Variants in NBAS observed in about 807,000 individuals in gnomAD.
NBAS encodes the protein NAG/BC035112 fusion.
In NBAS, 219 loss-of-function variants were observed where a neutral mutation model predicts 302.5. The ratio of observed to expected loss-of-function variants is 0.72; its 90% CI spans 0.65 to 0.81. NBAS has a LOEUF of 0.81. NBAS is among the 30% of genes least tolerant of loss of function. The pLI, the probability that NBAS is intolerant of heterozygous loss-of-function variation, is 0.00. For missense variants in NBAS, 2,932 were observed against 2,841.6 expected (o/e 1.03, Z -0.72); for synonymous variants, 1,118 against 1,021.6 (o/e 1.09, Z -1.80).
the NBAS span, among the ~76,000 whole-genome samples, chr2:15,011,739 C>A: frequency 6.6e-6 from 1 of 152,168 alleles, no homozygotes; most frequent in Non-Finnish European, 1.5e-5. Flanking sequence ...CCAACCCCAG[C>A]AAATTCATGC....
chr2:14,791,149 C>T, the NBAS span, among the ~76,000 whole-genome samples: 21 of 152,136 alleles, frequency 1.4e-4, 1 homozygote, highest in Admixed American at 1.1e-3. Flanking sequence ...GCCACCACGC[C>T]GGGCCCTAAT....
At chr2:15,384,921 A>G (rs1675214230) in intron 28 of NBAS, among the ~76,000 whole-genome samples, 2 of 152,244 alleles carry the variant, frequency 1.3e-5, no homozygotes, top group African/African-American at 4.8e-5. Context: ...AAAACAGGGC[A>G]GATAGATTGT....
At chr2:15,125,487 TC>T in the NBAS span, among the ~76,000 whole-genome samples, 2 of 148,478 alleles carry the variant, frequency 1.3e-5, no homozygotes, top group Non-Finnish European at 3.0e-5. Flanking sequence ...AGGGATCCAC[TC>T]CCATGATCTA....
chr2:15,252,531 T>TA (rs201236864), intron 44 of NBAS, among the ~76,000 whole-genome samples: 250 of 146,410 alleles, frequency 1.7e-3, no homozygotes, highest in East Asian at 0.011. Context: ...AAATAAAAAT[T>TA]AAAAAAAAAA....
intron 48 of NBAS, among the ~76,000 whole-genome samples, chr2:15,208,534 G>A (rs1020990582): frequency 3.5e-4 from 54 of 152,198 alleles, no homozygotes; most frequent in African/African-American, 8.7e-4. Context: ...GGATTTAATC[G>A]GTACTATGGA....
the NBAS span, among the ~76,000 whole-genome samples, chr2:15,131,168 C>T: frequency 2.0e-5 from 3 of 152,116 alleles, no homozygotes; most frequent in African/African-American, 7.2e-5. Flanking sequence ...ACATAATCTC[C>T]GAGCAGATGT....
the NBAS span, among the ~76,000 whole-genome samples, chr2:14,935,365 C>G: frequency 6.6e-6 from 1 of 152,114 alleles, no homozygotes. Context: ...GCCATCTGCT[C>G]ATTTTTATAT....
chr2:15,219,916 C>T (rs1267649874), intron 47 of NBAS, among the ~76,000 whole-genome samples: 8 of 147,884 alleles, frequency 5.4e-5, no homozygotes, highest in African/African-American at 2.0e-4. Context: ...CAGAAGCGCC[C>T]CTCACCTCCC....
At chr2:15,458,802 CAGTGTG>C (rs2148555057) in intron 21 of NBAS, among the ~76,000 whole-genome samples, 3 of 152,114 alleles carry the variant, frequency 2.0e-5, no homozygotes, top group Admixed American at 2.0e-4. Context: ...TACAAAAAAA[CAGTGTG>C]AAAGACTTTC....
At chr2:15,453,257 G>C (rs1276206676) in intron 21 of NBAS, among the ~76,000 whole-genome samples, 1 of 152,172 alleles carries the variant, frequency 6.6e-6, no homozygotes, top group African/African-American at 2.4e-5. Flanking sequence ...AGAGAATAAA[G>C]TACCAAAGCC....
intron 9 of NBAS, among the ~76,000 whole-genome samples, chr2:15,531,632 C>T (rs752862884): frequency 5.3e-5 from 8 of 152,208 alleles, no homozygotes; most frequent in Admixed American, 1.3e-4. Context: ...GCACTCACCA[C>T]GCTCTCTTTG....
chr2:15,485,493 G>C (rs1680585802), intron 12 of NBAS, among the ~76,000 whole-genome samples: 1 of 152,168 alleles, frequency 6.6e-6, no homozygotes, highest in Admixed American at 6.5e-5. Context: ...TTCCCACACA[G>C]TCATGGAAAG....
chr2:14,873,007 C>T, the NBAS span, among the ~76,000 whole-genome samples: 1 of 152,012 alleles, frequency 6.6e-6, no homozygotes, highest in Non-Finnish European at 1.5e-5. Context: ...TTGCTAAGAG[C>T]GAAAGAAAAA....
At chr2:15,096,605 A>T in the NBAS span, among the ~76,000 whole-genome samples, 1 of 152,210 alleles carries the variant, frequency 6.6e-6, no homozygotes, top group Non-Finnish European at 1.5e-5. Context: ...AGTCTCGGAC[A>T]AATGGGTTCA....
At chr2:15,481,660 T>C (rs1224034680) in intron 12 of NBAS, among the ~76,000 whole-genome samples, 3 of 152,176 alleles carry the variant, frequency 2.0e-5, no homozygotes, top group Admixed American at 6.5e-5. Context: ...GCCACTTCTC[T>C]GTATTTGCTG....
chr2:15,220,111 CGGCTGGCCGGGCGGGGGGCTG>C (rs1666876894), intron 47 of NBAS, among the ~76,000 whole-genome samples: 1 of 145,230 alleles, frequency 6.9e-6, no homozygotes, highest in African/African-American at 2.6e-5. Flanking sequence ...CTGGACGGGG[CGGCTGGCCGGGCGGGGGGCTG>C]ACCCCCCCAC....
At chr2:15,105,655 T>C in the NBAS span, among the ~76,000 whole-genome samples, 2 of 151,978 alleles carry the variant, frequency 1.3e-5, no homozygotes, top group African/African-American at 4.8e-5. Flanking sequence ...CGTTTCCAAT[T>C]TAAGTGAAAT....
In NBAS at chr2:15,438,178, G is replaced by T. The variant is rs562643920; in HGVS notation, c.2340-10384C>A. On this transcript the variant is annotated intron_variant, in intron 21 of 51. Coordinates refer to ENST00000281513, the MANE Select transcript of NBAS (RefSeq NM_015909.4). ...TCACTTTCTGTAATTTCCAGATTAA[G>T]GAAAGCCTTTCACCTGTTCCTAATT... Among the ~76,000 whole-genome samples the T allele has an allele frequency of 2.0e-5, 3 of 152,162 alleles. No homozygotes were observed. In the East Asian group the frequency reaches 5.8e-4, roughly 29 times the overall value.
chr2:15,439,660 C>T (rs1244578790), intron 21 of NBAS, among the ~76,000 whole-genome samples: 7 of 152,074 alleles, frequency 4.6e-5, no homozygotes, highest in Non-Finnish European at 8.8e-5. Context: ...GGGCGCAGGT[C>T]AGTGGGTGCA....
Sources: gnomAD v4.1 joint callset for allele counts (sites outside exome capture counted in the v4.1 genomes callset) on GRCh38, gnomAD v4.1.1 for gene constraint, MANE v1.5 for transcripts, NCBI Gene and HGNC (gene_info 2026-07-23, HGNC 2026-07-21) for gene names.